TIAM1: variants seen among roughly 807,000 people sequenced by gnomAD.
The protein encoded by TIAM1 is rho guanine nucleotide exchange factor TIAM1.
Under a neutral mutation model 163.5 loss-of-function variants are expected in TIAM1, and 65 were observed. The ratio of observed to expected loss-of-function variants is 0.40; its 90% confidence interval spans 0.33 to 0.49. The LOEUF (loss-of-function observed/expected upper bound fraction) is 0.49, where lower values mean the gene tolerates loss of function less well. TIAM1 is among the 20% of genes least tolerant of loss of function. The pLI, the probability that TIAM1 is intolerant of heterozygous loss-of-function variation, is 0.77. For missense variants in TIAM1, 1,789 were observed against 2,044.7 expected, an observed-to-expected ratio of 0.87 and a Z score of 2.41; for synonymous variants, 833 against 810.1, an observed-to-expected ratio of 1.03 and a Z score of -0.48.
intron 2 of TIAM1, among the ~76,000 whole-genome samples, chr21:31,430,856 T>C (rs79488849): frequency 0.054 from 8,242 of 152,282 alleles, 753 homozygotes; most frequent in African/African-American, 0.19. Context: ...TGTATATATG[T>C]AACAGAATTG....
chr21:31,466,044 A>T (rs2045521460), intron 1 of TIAM1, among the ~76,000 whole-genome samples: 1 of 152,210 alleles, frequency 6.6e-6, no homozygotes, highest in South Asian at 2.1e-4. Flanking sequence ...GTTGAACTAG[A>T]GGTCCTTGAG....
Position 31,315,339 on chromosome 21 carries a change from C to T in TIAM1, c.-189+23904G>A, listed in dbSNP as rs538373232. Among the ~76,000 whole-genome samples, 281 of 151,958 alleles carry T rather than the reference C, an allele frequency of 1.8e-3. 1 individual carries two copies. The highest frequency in any genetic ancestry group is 6.7e-3 in the African/African-American group (276 of 41,466). ...ACCATCCTGGCTAACACGGTGAAAC[C>T]CCTTCTCTACTAAAAATACAAAAAA... On this transcript the variant is annotated intron_variant, in intron 2 of 27. Coordinates refer to ENST00000541036, the MANE Select transcript of TIAM1 (RefSeq NM_001353694.2).
At position 31,344,246 on chromosome 21, in the gene TIAM1, A is replaced by C. The variant is rs1276632024; in HGVS notation, c.-477T>G. 1 of 152,344 alleles carries C rather than the reference A, an allele frequency of 6.6e-6. No homozygotes were observed. Among genetic ancestry groups the C allele is most frequent in the Non-Finnish European group, 1.5e-5 (1 of 68,048 alleles). The allele number at this position is 152,344 out of a possible 1,614,324, so 9.4% of individuals were successfully genotyped here. A position where few individuals can be genotyped will look rare whatever the true frequency, so the allele number is the denominator to read the frequency against. On this transcript the variant is annotated 5_prime_UTR_variant, in exon 1 of 28. Coordinates refer to ENST00000541036, the MANE Select transcript of TIAM1 (RefSeq NM_001353694.2). ...GCCTTCCCCGGCTGCTGGCGGAGGCAGTGGGTGTAACTTGTGAAGTTTCGT... is the reference window on the plus strand; with the variant it reads ...GCCTTCCCCGGCTGCTGGCGGAGGCCGTGGGTGTAACTTGTGAAGTTTCGT...
At chr21:31,477,765 A>G (rs1168366186) in intron 1 of TIAM1, among the ~76,000 whole-genome samples, 1 of 152,178 alleles carries the variant, frequency 6.6e-6, no homozygotes, top group Non-Finnish European at 1.5e-5. Flanking sequence ...TGAGGACAGA[A>G]CTGCCAACTG....
At chr21:31,552,637 G>A (rs143261511) in intron 1 of TIAM1, among the ~76,000 whole-genome samples, 1 of 152,124 alleles carries the variant, frequency 6.6e-6, no homozygotes, top group East Asian at 1.9e-4. Context: ...AGCCAGGCAT[G>A]GTGGTAGGCG....
chr21:31,458,430 AG>A (rs1209152679), intron 2 of TIAM1, among the ~76,000 whole-genome samples: 1 of 152,096 alleles, frequency 6.6e-6, no homozygotes, highest in Non-Finnish European at 1.5e-5. Context: ...CAAAAAAAAA[AG>A]AAAAAGAAAA....
intron 2 of TIAM1, among the ~76,000 whole-genome samples, chr21:31,296,821 G>T (rs548980348): frequency 6.6e-5 from 10 of 152,178 alleles, no homozygotes; most frequent in Admixed American, 5.9e-4. Flanking sequence ...GTGCCACCAC[G>T]CCCAGCTAAT....
At chr21:31,128,813 G>A (rs1293502676) in intron 25 of TIAM1, among the ~76,000 whole-genome samples, 2 of 152,226 alleles carry the variant, frequency 1.3e-5, no homozygotes, top group Admixed American at 1.3e-4. Flanking sequence ...CTGTAAGGCA[G>A]AAAAACTGTG....
intron 1 of TIAM1, among the ~76,000 whole-genome samples, chr21:31,468,656 G>A (rs1305964241): frequency 3.3e-5 from 5 of 150,424 alleles, no homozygotes; most frequent in Admixed American, 1.3e-4. Context: ...GGTGCCTGTT[G>A]TCCCAGTGAC....
intron 2 of TIAM1, among the ~76,000 whole-genome samples, chr21:31,381,750 T>C (rs1357472805): frequency 6.6e-6 from 1 of 152,142 alleles, no homozygotes; most frequent in African/African-American, 2.4e-5. Context: ...GAGCATCACC[T>C]GAGGCTGGGA....
At chr21:31,302,626 A>G (rs1182430245) in intron 2 of TIAM1, among the ~76,000 whole-genome samples, 1 of 152,192 alleles carries the variant, frequency 6.6e-6, no homozygotes, top group Non-Finnish European at 1.5e-5. Context: ...CTACACCACA[A>G]AAGCCAGGAT....
Position 31,155,581 on chromosome 21 carries a change from A to T in TIAM1, c.2992-1155T>A, listed in dbSNP as rs531540226. ...GTGCAGTGGTGCGATCTCAGCTCACAGCAAGCTCCACCTTCCGGGTTCACG... is the reference window on the plus strand; with the variant it reads ...GTGCAGTGGTGCGATCTCAGCTCACTGCAAGCTCCACCTTCCGGGTTCACG... On this transcript the variant is annotated intron_variant, in intron 16 of 27. Transcript: ENST00000541036. Among the ~76,000 whole-genome samples, 98 of 151,734 alleles carry T rather than the reference A, an allele frequency of 6.5e-4. 1 individual carries two copies. Among genetic ancestry groups the T allele is most frequent in the South Asian group, 8.3e-4 (4 of 4,806 alleles).
chr21:31,527,226 T>C (rs1026233704), intron 1 of TIAM1, among the ~76,000 whole-genome samples: 5 of 152,102 alleles, frequency 3.3e-5, no homozygotes, highest in African/African-American at 1.2e-4. Flanking sequence ...TTCCTCCCCC[T>C]GTCTTAAGCT....
intron 13 of TIAM1, among the ~76,000 whole-genome samples, chr21:31,190,481 C>T (rs1487191217): frequency 1.3e-5 from 2 of 152,090 alleles, no homozygotes; most frequent in African/African-American, 2.4e-5. Flanking sequence ...AAAACCATAA[C>T]ATGATAAACA....
Position 31,475,064 on chromosome 21 carries a change from T to A in TIAM1, c.-421-11029A>T, listed in dbSNP as rs201984426. Among the ~76,000 whole-genome samples the A allele has an allele frequency of 2.4e-5, 2 of 82,398 alleles. 1 individual carries two copies. Among genetic ancestry groups the A allele is most frequent in the African/African-American group, 9.9e-5 (2 of 20,180 alleles). 54.1% of individuals were successfully genotyped at this position (82,398 alleles called of 152,430 possible). On this transcript the variant is annotated intron_variant, in intron 1 of 28. Coordinates refer to the TIAM1 transcript ENST00000286827. The stretch of plus-strand genomic sequence containing the variant: ...TATTATTATTATTATTATTATTATT[T>A]AGTTTTAGACAAGGTCTTACTCTGT...
In TIAM1 at chr21:31,155,295, TTA is replaced by T. The variant is rs2083564254; in HGVS notation, c.2992-871_2992-870del. On this transcript the variant is annotated intron_variant, in intron 16 of 27. Transcript: ENST00000541036. ...ACCAGTAGTTTTCCAACTTGGCTGC[TTA>T]TGAGAATCACTGGGGAGCTTTTCAA... is the stretch of plus-strand genomic sequence containing the variant. 3.9e-5 allele frequency among the ~76,000 whole-genome samples: 6 copies of T among 152,256 alleles called. No individual in the cohort carries two copies. The South Asian group carries it at 1.2e-3, about 32-fold the overall frequency.
intron 6 of TIAM1, among the ~76,000 whole-genome samples, chr21:31,226,561 G>T (rs1601619669): frequency 1.3e-5 from 2 of 152,210 alleles, no homozygotes; most frequent in East Asian, 3.9e-4. Flanking sequence ...GTTTGAGAAG[G>T]GCATTAAGAA....
chr21:31,357,572 C>A (rs2076336958), intron 2 of TIAM1, among the ~76,000 whole-genome samples: 1 of 152,098 alleles, frequency 6.6e-6, no homozygotes, highest in African/African-American at 2.4e-5. Context: ...TAGCAATTTT[C>A]CTCTCTCTCC....
intron 16 of TIAM1, among the ~76,000 whole-genome samples, chr21:31,159,991 T>C (rs1481525030): frequency 1.3e-5 from 2 of 152,126 alleles, no homozygotes; most frequent in Non-Finnish European, 2.9e-5. Context: ...TCAAGCCTTA[T>C]AAAAGGAAAC....
Sources: allele counts gnomAD v4.1 joint callset (sites outside exome capture counted in the v4.1 genomes callset), GRCh38; gene constraint gnomAD v4.1.1; transcripts MANE v1.5; gene names NCBI Gene and HGNC (gene_info 2026-07-23, HGNC 2026-07-21).